MYRIP: variants seen among roughly 807,000 people sequenced by gnomAD.
MYRIP encodes rab effector MyRIP.
MYRIP carries 49 observed loss-of-function variants against 98.0 expected under a neutral mutation model. That is an observed-to-expected ratio of 0.50 (90% CI 0.40 to 0.63). The LOEUF (loss-of-function observed/expected upper bound fraction) is 0.63. Ranked by LOEUF, MYRIP falls within the 30% of genes least tolerant of loss-of-function variation. The pLI is 0.00. For synonymous variants in MYRIP, 404 were observed against 409.5 expected, an observed-to-expected ratio of 0.99 and a Z score of 0.16; for missense variants, 1,004 against 1,058.2, an observed-to-expected ratio of 0.95 and a Z score of 0.71.
intron 8 of MYRIP, among the ~76,000 whole-genome samples, chr3:40,172,532 C>T (rs1033951342): frequency 5.3e-5 from 8 of 152,154 alleles, no homozygotes; most frequent in Non-Finnish European, 1.0e-4. Flanking sequence ...CTAAATGAGA[C>T]GTGGACATAG....
chr3:40,029,265 C>A (rs1169225006), intron 2 of MYRIP, among the ~76,000 whole-genome samples: 1 of 152,170 alleles, frequency 6.6e-6, no homozygotes, highest in Non-Finnish European at 1.5e-5. Flanking sequence ...TGTTCTGTCT[C>A]CCTGTTAACA....
In MYRIP at chr3:40,221,578, C is replaced by T. The variant is rs566111182; in HGVS notation, c.1905+11485C>T. Among the ~76,000 whole-genome samples, 4 of 152,260 alleles carry T rather than the reference C, an allele frequency of 2.6e-5. No individual in the cohort carries two copies. The South Asian group carries it at 8.3e-4, about 32-fold the overall frequency. On this transcript the variant is annotated intron_variant, in intron 11 of 16. Coordinates refer to ENST00000302541, the MANE Select transcript of MYRIP (RefSeq NM_015460.4). ...CCCAGGAAATGGAGGTTGCAGTGAG[C>T]TGATATTGTGCCACTGCACTCCACC...
chr3:39,820,406 G>A (rs1941069964), intron 1 of MYRIP, among the ~76,000 whole-genome samples: 1 of 124,130 alleles, frequency 8.1e-6, no homozygotes, highest in African/African-American at 3.1e-5. Context: ...TTCCTGAAGA[G>A]ATCCCAGTAT....
At chr3:40,212,474 T>C (rs1353492964) in intron 11 of MYRIP, among the ~76,000 whole-genome samples, 1 of 152,014 alleles carries the variant, frequency 6.6e-6, no homozygotes, top group Non-Finnish European at 1.5e-5. Context: ...TAGACTGAGT[T>C]TGAAGCATAA....
intron 3 of MYRIP, among the ~76,000 whole-genome samples, chr3:40,048,195 A>T (rs1947709917): frequency 1.3e-5 from 2 of 152,208 alleles, no homozygotes; most frequent in Admixed American, 6.6e-5. Context: ...AATAGTTGAT[A>T]GTAGGTCTAT....
chr3:40,024,141 T>C (rs1162587568), intron 2 of MYRIP, among the ~76,000 whole-genome samples: 1 of 152,186 alleles, frequency 6.6e-6, no homozygotes, highest in Non-Finnish European at 1.5e-5. Flanking sequence ...ATATGAAACA[T>C]TCTCTGTCAG....
intron 2 of MYRIP, among the ~76,000 whole-genome samples, chr3:39,942,202 T>C (rs932871008): frequency 2.0e-5 from 3 of 152,152 alleles, no homozygotes; most frequent in Non-Finnish European, 4.4e-5. Context: ...GTGTGTTCAG[T>C]GCAGGTCAGA....
chr3:39,908,485 G>T (rs553728968), intron 2 of MYRIP, among the ~76,000 whole-genome samples: 1 of 152,220 alleles, frequency 6.6e-6, no homozygotes, highest in African/African-American at 2.4e-5. Context: ...AGCTGCCAGG[G>T]TTTGTTGGAG....
At chr3:40,211,955 G>T (rs1252196157) in intron 11 of MYRIP, among the ~76,000 whole-genome samples, 1 of 151,856 alleles carries the variant, frequency 6.6e-6, no homozygotes, top group Non-Finnish European at 1.5e-5. Context: ...GAAATTAAGA[G>T]AGTTGGCTTT....
chr3:39,877,823 C>T (rs1392365120), intron 1 of MYRIP, among the ~76,000 whole-genome samples: 1 of 152,162 alleles, frequency 6.6e-6, no homozygotes, highest in Non-Finnish European at 1.5e-5. Flanking sequence ...GGCAGTCTGC[C>T]CATTCTCAGA....
chr3:40,020,546 T>C (rs1049044885), intron 2 of MYRIP, among the ~76,000 whole-genome samples: 1 of 152,174 alleles, frequency 6.6e-6, no homozygotes, highest in Non-Finnish European at 1.5e-5. Context: ...CTGTGTGAAG[T>C]AGCACGTGTT....
At chr3:40,027,318 C>G (rs929262683) in intron 2 of MYRIP, among the ~76,000 whole-genome samples, 2 of 152,106 alleles carry the variant, frequency 1.3e-5, no homozygotes, top group African/African-American at 4.8e-5. Flanking sequence ...TGCAGTGCTC[C>G]CCATGCTTCA....
chr3:40,031,898 G>A (rs1354002767), intron 2 of MYRIP, among the ~76,000 whole-genome samples: 2 of 151,806 alleles, frequency 1.3e-5, no homozygotes, highest in Non-Finnish European at 2.9e-5. Flanking sequence ...TATTAGTCTT[G>A]CTAGCCGTCT....
intron 2 of MYRIP, among the ~76,000 whole-genome samples, chr3:39,986,461 T>C (rs1437843811): frequency 6.6e-6 from 1 of 151,962 alleles, no homozygotes; most frequent in Non-Finnish European, 1.5e-5. Context: ...TCTCCCTCTC[T>C]CTCTCTCTCT....
intron 1 of MYRIP, among the ~76,000 whole-genome samples, chr3:39,870,349 A>T (rs1321549145): frequency 1.6e-4 from 7 of 44,210 alleles, no homozygotes; most frequent in African/African-American, 1.3e-3. Context: ...CATTGTTCCA[A>T]TTTGTTCCAT....
At chr3:40,097,758 G>T (rs1389879370) in intron 3 of MYRIP, among the ~76,000 whole-genome samples, 1 of 152,208 alleles carries the variant, frequency 6.6e-6, no homozygotes, top group Non-Finnish European at 1.5e-5. Flanking sequence ...GTAGACAGAA[G>T]TCTGCAGAGG....
intron 1 of MYRIP, among the ~76,000 whole-genome samples, chr3:39,884,772 A>G (rs1943244202): frequency 2.0e-5 from 3 of 150,348 alleles, no homozygotes; most frequent in African/African-American, 7.3e-5. Flanking sequence ...CTTAACAGCC[A>G]CATATTTTTC....
intron 1 of MYRIP, among the ~76,000 whole-genome samples, chr3:39,885,421 C>T (rs1420974483): frequency 6.6e-6 from 1 of 151,994 alleles, no homozygotes; most frequent in Non-Finnish European, 1.5e-5. Flanking sequence ...TCTCTGGCTG[C>T]CCTTAACATT....
chr3:40,074,214 A>G (rs1423903706), intron 3 of MYRIP, among the ~76,000 whole-genome samples: 1 of 151,884 alleles, frequency 6.6e-6, no homozygotes, highest in East Asian at 1.9e-4. Context: ...AGGTGGGACT[A>G]CAGGTGCCCA....
Sources: allele counts gnomAD v4.1 joint callset (sites outside exome capture counted in the v4.1 genomes callset), GRCh38; gene constraint gnomAD v4.1.1; transcripts MANE v1.5; gene names NCBI Gene and HGNC (gene_info 2026-07-23, HGNC 2026-07-21).